MRPL45: variants seen among roughly 807,000 people sequenced by gnomAD.
The protein encoded by MRPL45 is large ribosomal subunit protein mL45.
A neutral mutation model predicts 38.1 loss-of-function variants in MRPL45; 20 were observed. The observed-to-expected ratio is 0.53, with a 90% CI of 0.37 to 0.76. The LOEUF (loss-of-function observed/expected upper bound fraction) is 0.76. Among genes scored for constraint, MRPL45 ranks in the 30% least tolerant of loss-of-function variants. MRPL45 has a pLI of 0.00. For synonymous variants in MRPL45, 105 were observed against 128.8 expected, an observed-to-expected ratio of 0.82 and a Z score of 1.25; for missense variants, 337 against 395.6, an observed-to-expected ratio of 0.85 and a Z score of 1.26.
intron 4 of MRPL45, among the ~76,000 whole-genome samples, chr17:38,313,133 T>C (rs988281430): frequency 4.7e-5 from 7 of 149,010 alleles, no homozygotes; most frequent in Admixed American, 6.7e-5. Context: ...TACAGGCGCC[T>C]GCCACCACAC....
rs779333433 is a variant in MRPL45 at position 38,320,678 on chromosome 17, C to T, written c.571C>T (p.Pro191Ser). 16 of 1,614,088 alleles carry T rather than the reference C, an allele frequency of 9.9e-6. No individual in the cohort carries two copies. In the East Asian group the frequency reaches 3.6e-4, roughly 36 times the overall value. ...VRWSFVESLE[P>S]SHVVQVRCSS... ...CTGGAGCTTTGTGGAATCTTTAGAG[C>T]CCTCTCATGTTGTTCAAGTTCGCTG... Residue 191 changes from proline (P) to serine (S), a missense_variant, in exon 6 of 8, where the codon CCC becomes TCC. This residue lies in a region of MRPL45 where 251 missense variants were observed against 269.1 expected (regional missense o/e 0.93). Transcript: ENST00000613675.
At chr17:38,320,816 T>G in intron 6 of MRPL45, 49 bp downstream of exon 6, 1 of 1,599,172 alleles carries the variant, frequency 6.3e-7, no homozygotes. Context: ...ACTCTGAGCT[T>G]GGGCACCTCC....
rs1048050003 is a variant in MRPL45 at position 38,320,579 on chromosome 17, G to A, written c.511-39G>A. 4 of 1,604,808 alleles carry A rather than the reference G, an allele frequency of 2.5e-6. No homozygotes were observed. In the African/African-American group the frequency reaches 4.0e-5, roughly 16 times the overall value. ...GGCAGCACCAGCTTCCTTAAAGGGAGGGAAAAATGCAGTTGAACTTGTTCT... is the reference window on the plus strand; with the variant it reads ...GGCAGCACCAGCTTCCTTAAAGGGAAGGAAAAATGCAGTTGAACTTGTTCT... On this transcript the variant is annotated intron_variant, in intron 5 of 7. Transcript: ENST00000613675.
Position 38,315,677 on chromosome 17 carries a change from T to G in MRPL45, c.462-3010T>G, listed in dbSNP as rs959666921. Among the ~76,000 whole-genome samples, 14 of 152,198 alleles carry G rather than the reference T, an allele frequency of 9.2e-5. No homozygotes were observed. The South Asian group carries it at 2.3e-3, about 25-fold the overall frequency. ...TTATCTTGCTAGGAGGTTTTTGAGCTTCCTGGATGTACATATGAATGTCTT... is the reference window on the plus strand; with the variant it reads ...TTATCTTGCTAGGAGGTTTTTGAGCGTCCTGGATGTACATATGAATGTCTT... On this transcript the variant is annotated intron_variant, in intron 4 of 7. Coordinates refer to ENST00000613675, the MANE Select transcript of MRPL45 (RefSeq NM_032351.6).
chr17:38,319,049 A>G (rs566601647), intron 5 of MRPL45, among the ~76,000 whole-genome samples: 51 of 126,442 alleles, frequency 4.0e-4, no homozygotes, highest in Admixed American at 2.0e-3. Flanking sequence ...TTATTTATTT[A>G]TTTTGAGATG....
chr17:38,299,319 A>T, intron 2 of MRPL45, 32 bp from the exon 3 acceptor site: 2 of 1,434,834 alleles, frequency 1.4e-6, no homozygotes, highest in Non-Finnish European at 1.9e-6. Context: ...ATCTTTCAAC[A>T]CTTTCTTAAT....
chr17:38,306,789 T>G (rs969280310), intron 4 of MRPL45, among the ~76,000 whole-genome samples, 158 bp downstream of exon 4: 8 of 152,290 alleles, frequency 5.3e-5, no homozygotes, highest in African/African-American at 1.9e-4. Context: ...TGGAAGTAAT[T>G]AGTGACTGAC....
intron 3 of MRPL45, among the ~76,000 whole-genome samples, chr17:38,304,702 C>T (rs569687492): frequency 1.3e-5 from 2 of 152,180 alleles, no homozygotes; most frequent in African/African-American, 4.8e-5. Context: ...TGCCACCACG[C>T]CCAGCTAATT....
In MRPL45 at chr17:38,320,748, T is replaced by C. The variant is rs2037221623; in HGVS notation, c.641T>C (p.Val214Ala). 1 of 1,613,986 alleles carries C rather than the reference T, an allele frequency of 6.2e-7. No homozygotes were observed. The highest frequency in any genetic ancestry group is 1.3e-5 in the African/African-American group (1 of 74,910). ...NQGNVYGQIT[V>A]RMHTRQTLAI... ...GGCAACGTGTACGGCCAGATCACCG[T>C]ACGCATGCACACCCGGCAGGTAGAG... is the stretch of plus-strand genomic sequence containing the variant. Residue 214 changes from valine to alanine, a missense_variant, in exon 6 of 8, where the codon GTA becomes GCA. Val to Ala is a moderately conservative substitution (Grantham distance 64). Coordinates refer to ENST00000613675, the MANE Select transcript of MRPL45 (RefSeq NM_032351.6).
At chr17:38,318,032 A>AC (rs1280333346) in intron 4 of MRPL45, among the ~76,000 whole-genome samples, 2 of 147,778 alleles carry the variant, frequency 1.4e-5, no homozygotes, top group African/African-American at 5.0e-5. Flanking sequence ...ACATGGTGAA[A>AC]CCCCATCTCT....
intron 4 of MRPL45, among the ~76,000 whole-genome samples, chr17:38,310,398 C>G: frequency 6.6e-6 from 1 of 151,312 alleles, no homozygotes; most frequent in East Asian, 1.9e-4. Flanking sequence ...GTGTGATCTC[C>G]GCTCACTGCA....
intron 4 of MRPL45, among the ~76,000 whole-genome samples, chr17:38,317,249 G>C (rs1256171810): frequency 6.6e-6 from 1 of 152,172 alleles, no homozygotes; most frequent in East Asian, 1.9e-4. Flanking sequence ...TGCCAGTGAT[G>C]GTCATCATGG....
At chr17:38,311,469 C>T (rs372190838) in intron 4 of MRPL45, among the ~76,000 whole-genome samples, 22 of 151,976 alleles carry the variant, frequency 1.4e-4, no homozygotes, top group East Asian at 3.9e-4. Context: ...AGGCAGATCA[C>T]GAGGTCAAGA....
rs1372949888 is a variant in MRPL45 at position 38,323,136 on chromosome 17, C to CT, written c.*546dup. ...GTGTTTATAAGACATTTAAGAGGCCCTTTTTCATATACTGACTCACTGATG... is the reference window on the plus strand; with the variant it reads ...GTGTTTATAAGACATTTAAGAGGCCCTTTTTTCATATACTGACTCACTGATG... On this transcript the variant is annotated 3_prime_UTR_variant, in exon 8 of 8. Transcript: ENST00000613675. 9 of 152,956 alleles carry CT rather than the reference C, an allele frequency of 5.9e-5. No individual in the cohort carries two copies. Among genetic ancestry groups the CT allele is most frequent in the African/African-American group, 2.2e-4 (9 of 41,556 alleles). 9.5% of individuals were successfully genotyped at this position (152,956 alleles called of 1,614,324 possible).
intron 4 of MRPL45, among the ~76,000 whole-genome samples, chr17:38,313,953 G>A (rs2037150485): frequency 6.6e-6 from 1 of 152,060 alleles, no homozygotes; most frequent in African/African-American, 2.4e-5. Context: ...GTGAGCCACT[G>A]CACCCAGCCC....
chr17:38,322,166 G>T lies in MRPL45; in HGVS notation c.701G>T (p.Gly234Val). 1 of 1,614,164 alleles carries T rather than the reference G, an allele frequency of 6.2e-7. No individual in the cohort carries two copies. The highest frequency in any genetic ancestry group is 1.1e-5 in the South Asian group (1 of 91,086). The change falls in exon 7 of 8, where the codon GGA becomes GTA. Residue 234 changes from glycine to valine, a missense_variant. Physicochemically the swap from Gly to Val is moderately radical, Grantham distance 109. Around this residue, in one of 3 missense-constraint regions of MRPL45, gnomAD observed 251 missense variants for 269.1 expected, o/e 0.93. Transcript: ENST00000613675. The part of the protein sequence containing the change: ...IYDRFGRLMY[G>V]QEDVPKDVLE... ...GACCGGTTTGGCCGGTTGATGTATG[G>T]ACAGGAAGATGTACCCAAGGATGTC...
At chr17:38,313,307 A>T (rs1219462527) in intron 4 of MRPL45, among the ~76,000 whole-genome samples, 1 of 18,996 alleles carries the variant, frequency 5.3e-5, no homozygotes, top group African/African-American at 2.3e-4. Flanking sequence ...TAAAAAAAAA[A>T]AAAAATATAT....
At chr17:38,300,731 G>C (rs1358936964) in intron 3 of MRPL45, among the ~76,000 whole-genome samples, 1 of 152,042 alleles carries the variant, frequency 6.6e-6, no homozygotes, top group East Asian at 1.9e-4. Context: ...CGGATCACCT[G>C]AGGTCAGGAA....
intron 4 of MRPL45, 21 bp from the exon 5 acceptor site, chr17:38,318,666 A>G (rs751194346): frequency 6.4e-7 from 1 of 1,568,502 alleles, no homozygotes; most frequent in South Asian, 1.1e-5. Context: ...AGTCAATGAT[A>G]TTTATTGCTT....
Sources: allele counts gnomAD v4.1 joint callset (sites outside exome capture counted in the v4.1 genomes callset), GRCh38; gene constraint gnomAD v4.1.1; regional missense constraint gnomAD v4.1.1; transcripts MANE v1.5; gene names NCBI Gene and HGNC (gene_info 2026-07-23, HGNC 2026-07-21).